ZNRF2: variants seen among roughly 807,000 people sequenced by gnomAD.
ZNRF2 encodes the protein zinc and ring finger 2.
In ZNRF2, 16 loss-of-function variants were observed where a neutral mutation model predicts 20.4. The observed-to-expected ratio is 0.79, with a 90% CI of 0.53 to 1.19. The LOEUF (loss-of-function observed/expected upper bound fraction) is 1.19. Among genes scored for constraint, ZNRF2 ranks in the 50% most tolerant of loss-of-function variants. ZNRF2 has a pLI of 0.00. For missense variants in ZNRF2, 363 were observed against 332.4 expected, an observed-to-expected ratio of 1.09 and a Z score of -0.72; for synonymous variants, 178 against 144.9, an observed-to-expected ratio of 1.23 and a Z score of -1.64.
intron 1 of ZNRF2, among the ~76,000 whole-genome samples, chr7:30,293,697 A>G (rs1292003816): frequency 6.6e-6 from 1 of 152,256 alleles, no homozygotes; most frequent in Non-Finnish European, 1.5e-5. Flanking sequence ...TTTTTAACCC[A>G]TAAAAACTTG....
intron 1 of ZNRF2, among the ~76,000 whole-genome samples, chr7:30,290,573 C>T (rs1798882542): frequency 6.6e-6 from 1 of 152,204 alleles, no homozygotes; most frequent in Non-Finnish European, 1.5e-5. Context: ...GTGCTATGTT[C>T]TTACATAATC....
At position 30,342,441 on chromosome 7, in the gene ZNRF2, A is replaced by C. The variant is rs1319423777; in HGVS notation, c.566-13287A>C. ...AGGCGTGGTGATGACAGAATCTCTC[A>C]GCATTTGCTTGTCTGTAAAGGATAT... On this transcript the variant is annotated intron_variant, in intron 2 of 4. Transcript: ENST00000323037. Among the ~76,000 whole-genome samples, 3 of 152,266 alleles carry C rather than the reference A, an allele frequency of 2.0e-5. No individual in the cohort carries two copies. In the East Asian group the frequency reaches 5.8e-4, roughly 29 times the overall value.
chr7:30,303,593 G>C (rs760820320), intron 1 of ZNRF2, among the ~76,000 whole-genome samples: 1 of 152,188 alleles, frequency 6.6e-6, no homozygotes, highest in Non-Finnish European at 1.5e-5. Context: ...ATGATAAACT[G>C]TGATGTTAGT....
chr7:30,297,566 G>T (rs1243131438), intron 1 of ZNRF2, among the ~76,000 whole-genome samples: 1 of 152,122 alleles, frequency 6.6e-6, no homozygotes, highest in Admixed American at 6.5e-5. Flanking sequence ...TTTAAAATGT[G>T]TTGCCTTGTT....
At chr7:30,352,311 C>T (rs1359391369) in intron 2 of ZNRF2, among the ~76,000 whole-genome samples, 1 of 151,940 alleles carries the variant, frequency 6.6e-6, no homozygotes, top group African/African-American at 2.4e-5. Context: ...TCAGAATCTC[C>T]AGGGGTGGGA....
intron 1 of ZNRF2, among the ~76,000 whole-genome samples, chr7:30,316,506 A>G (rs1217868695): frequency 6.6e-6 from 1 of 152,134 alleles, no homozygotes; most frequent in Non-Finnish European, 1.5e-5. Context: ...ACATTTAGCT[A>G]TTTAGCCTGG....
At chr7:30,303,094 A>C (rs530762615) in intron 1 of ZNRF2, among the ~76,000 whole-genome samples, 38 of 152,190 alleles carry the variant, frequency 2.5e-4, no homozygotes, top group African/African-American at 8.9e-4. Flanking sequence ...CAGCCTGGGC[A>C]ACATGGAAAA....
chr7:30,297,838 T>G (rs1239836000), intron 1 of ZNRF2, among the ~76,000 whole-genome samples: 1 of 152,060 alleles, frequency 6.6e-6, no homozygotes, highest in Non-Finnish European at 1.5e-5. Flanking sequence ...TGTCTTTGGT[T>G]TTTGTTCTTT....
At chr7:30,311,985 C>G (rs1799299172) in intron 1 of ZNRF2, among the ~76,000 whole-genome samples, 1 of 152,070 alleles carries the variant, frequency 6.6e-6, no homozygotes, top group Non-Finnish European at 1.5e-5. Context: ...TACTTTTAGC[C>G]AAGTATATTT....
At chr7:30,299,776 CTTTTTTTTT>C (rs34591785) in intron 1 of ZNRF2, among the ~76,000 whole-genome samples, 1 of 123,336 alleles carries the variant, frequency 8.1e-6, no homozygotes, top group South Asian at 2.5e-4. Flanking sequence ...CTAAAACCTG[CTTTTTTTTT>C]TTTTTTTTTT....
At chr7:30,307,326 G>GTTTTTTTTT (rs78007797) in intron 1 of ZNRF2, among the ~76,000 whole-genome samples, 314 of 43,258 alleles carry the variant, frequency 7.3e-3, no homozygotes, top group East Asian at 0.019. Context: ...GTTTTTTTTT[G>GTTTTTTTTT]TTTTTTTTTT....
At chr7:30,321,224 G>GT (rs1799464658) in intron 1 of ZNRF2, among the ~76,000 whole-genome samples, 1 of 151,988 alleles carries the variant, frequency 6.6e-6, no homozygotes, top group African/African-American at 2.4e-5. Flanking sequence ...CTCGGGATCT[G>GT]TTTTTTATTC....
chr7:30,349,884 T>C (rs538062282), intron 2 of ZNRF2, among the ~76,000 whole-genome samples: 1 of 152,228 alleles, frequency 6.6e-6, no homozygotes, highest in African/African-American at 2.4e-5. Flanking sequence ...TAGGAAAATA[T>C]TTGTTTAGGT....
rs537968160 is a variant in ZNRF2 at position 30,288,525 on chromosome 7, C to T, written c.469+2699C>T. On this transcript the variant is annotated intron_variant, in intron 1 of 4. Transcript: ENST00000323037. ...TTAGTAGTTCTCTCATAATGAATTG[C>T]CACATTGAACGAGGAAGTTTTCTGT... is the stretch of plus-strand genomic sequence containing the variant. Among the ~76,000 whole-genome samples the T allele has an allele frequency of 3.3e-5, 5 of 152,200 alleles. No homozygotes were observed. In the South Asian group the frequency reaches 1.0e-3, roughly 32 times the overall value.
intron 1 of ZNRF2, among the ~76,000 whole-genome samples, chr7:30,286,863 C>T (rs1251611946): frequency 1.3e-5 from 2 of 152,190 alleles, no homozygotes. Flanking sequence ...CGATCCCCTA[C>T]ATTTTTGTGC....
chr7:30,340,668 ATGTTC>A (rs1799780085), intron 2 of ZNRF2, among the ~76,000 whole-genome samples: 1 of 151,958 alleles, frequency 6.6e-6, no homozygotes, highest in South Asian at 2.1e-4. Context: ...TTTCGCATCG[ATGTTC>A]ATCAGGGATA....
intron 1 of ZNRF2, among the ~76,000 whole-genome samples, chr7:30,315,727 C>CGGG (rs70980597): frequency 8.5e-4 from 24 of 28,392 alleles, no homozygotes; most frequent in Admixed American, 1.9e-3. Flanking sequence ...AAAGGTGGGG[C>CGGG]GGGGGGGGGG....
chr7:30,341,213 G>GT (rs1187450939), intron 2 of ZNRF2, among the ~76,000 whole-genome samples: 6 of 151,788 alleles, frequency 4.0e-5, no homozygotes, highest in Admixed American at 2.0e-4. Flanking sequence ...TTTTGGAAGC[G>GT]TTTTTTGTGT....
intron 3 of ZNRF2, among the ~76,000 whole-genome samples, chr7:30,359,651 C>T (rs1447652719): frequency 1.3e-5 from 2 of 152,166 alleles, no homozygotes; most frequent in Admixed American, 6.5e-5. Flanking sequence ...GCTGTGGAGT[C>T]CTAATATTTC....
Sources: allele counts gnomAD v4.1 joint callset (sites outside exome capture counted in the v4.1 genomes callset), GRCh38; gene constraint gnomAD v4.1.1; transcripts MANE v1.5; gene names NCBI Gene and HGNC (gene_info 2026-07-23, HGNC 2026-07-21).